The following KNSTRN variants were observed in gnomAD, a reference collection of about 807,000 sequenced individuals.
KNSTRN encodes the protein small kinetochore-associated protein.
Under a neutral mutation model 44.7 loss-of-function variants are expected in KNSTRN, and 38 were observed. The ratio of observed to expected loss-of-function variants is 0.85; its 90% CI spans 0.66 to 1.11. KNSTRN has a LOEUF of 1.11. Among genes scored for constraint, KNSTRN ranks in the 50% most tolerant of loss-of-function variants. KNSTRN has a pLI of 0.00. For synonymous variants in KNSTRN, 158 were observed against 148.1 expected (o/e 1.07, Z -0.48); for missense variants, 406 against 375.8 (o/e 1.08, Z -0.66).
intron 2 of KNSTRN, among the ~76,000 whole-genome samples, chr15:40,385,731 T>C (rs1474297079): frequency 1.3e-5 from 2 of 152,158 alleles, no homozygotes; most frequent in East Asian, 3.8e-4. Context: ...AATGAGATGG[T>C]ACAAGGATTC....
chr15:40,383,115 T>A, intron 1 of KNSTRN, 71 bp downstream of exon 1: 1 of 1,594,018 alleles, frequency 6.3e-7, no homozygotes, highest in Non-Finnish European at 8.6e-7. Context: ...AAAGGAGGAT[T>A]TTCTCTTTTC....
chr15:40,382,777 G>A lies in KNSTRN; in HGVS notation c.-59G>A. The A allele has an allele frequency of 1.3e-6, 2 of 1,485,136 alleles. No homozygotes were observed. 92.0% of individuals were successfully genotyped at this position (1,485,136 alleles called of 1,614,324 possible). On this transcript the variant is annotated 5_prime_UTR_variant, in exon 1 of 9. Transcript: ENST00000249776. ...ACCCTCCTCCTCTGCCCAGACCTGG[G>A]GGCTCCAACACCTTTCGCTAGGTCT...
In KNSTRN at chr15:40,383,163, C is replaced by T. The variant is rs1229851159; in HGVS notation, c.210-65C>T. 3.2e-6 allele frequency: 5 copies of T among 1,577,378 alleles called. No homozygotes were observed. The African/African-American group carries it at 5.4e-5, about 17-fold the overall frequency. On this transcript the variant is annotated intron_variant, in intron 1 of 8. Coordinates refer to ENST00000249776, the MANE Select transcript of KNSTRN (RefSeq NM_033286.4). ...GGGGCCTGTCGGGTCGCGCTATCCC[C>T]GGGCCCTCCACTCTCTCGGGCCCAG...
At chr15:40,390,004 C>A in intron 6 of KNSTRN, 75 bp downstream of exon 6, 1 of 1,182,300 alleles carries the variant, frequency 8.5e-7, no homozygotes, top group Non-Finnish European at 1.3e-6. Context: ...ATCTTGGCAG[C>A]ATGGCATCAG....
intron 4 of KNSTRN, among the ~76,000 whole-genome samples, chr15:40,387,762 C>G (rs1036975750): frequency 6.6e-6 from 1 of 152,208 alleles, no homozygotes; most frequent in Non-Finnish European, 1.5e-5. Context: ...AATCGCAACA[C>G]TTTGGGAGGC....
rs1158736738 is a variant in KNSTRN, at chr15:40,382,812, C to T, written c.-24C>T. The stretch of plus-strand genomic sequence containing the variant: ...ACCTTTCGCTAGGTCTGGCTCTGGC[C>T]TCTGAGCGAACCTTCCGTACAGTAT... On this transcript the variant is annotated 5_prime_UTR_variant, in exon 1 of 9. Coordinates refer to ENST00000249776, the MANE Select transcript of KNSTRN (RefSeq NM_033286.4). 6.2e-7 allele frequency: 1 copy of T among 1,603,394 alleles called. No homozygotes were observed. The highest frequency in any genetic ancestry group is 8.5e-7 in the Non-Finnish European group (1 of 1,175,380).
chr15:40,382,790 T>C lies in KNSTRN; in HGVS notation c.-46T>C, dbSNP rs1254314834. 2.4e-5 allele frequency: 37 copies of C among 1,561,316 alleles called. No individual in the cohort carries two copies. The highest frequency in any genetic ancestry group is 3.2e-5 in the Non-Finnish European group (37 of 1,147,396). ...GCCCAGACCTGGGGGCTCCAACACC[T>C]TTCGCTAGGTCTGGCTCTGGCCTCT... On this transcript the variant is annotated 5_prime_UTR_variant, in exon 1 of 9. Transcript: ENST00000249776.
Position 40,388,472 on chromosome 15 carries a change from G to A in KNSTRN, c.486-1034G>A, listed in dbSNP as rs576583747. ...TCCCAGGATTTTGGGAGGCCGAGGC[G>A]GGTGGATCTCAAGGTCAGGAGACCA... On this transcript the variant is annotated intron_variant, in intron 4 of 8. Transcript: ENST00000249776. Among the ~76,000 whole-genome samples the A allele has an allele frequency of 2.4e-3, 364 of 152,216 alleles. 4 individuals are homozygous for A. In the Middle Eastern group the frequency reaches 0.034, roughly 14 times the overall value.
rs2141277652 is a variant in KNSTRN, at chr15:40,393,843, G to C, written c.*246G>C. ...GATAATTGAGGCCTACAAGAGAGGG[G>C]AGCCTAGGAGCTTGGATTGACCTTC... On this transcript the variant is annotated 3_prime_UTR_variant, in exon 9 of 9. Transcript: ENST00000249776. The C allele has an allele frequency of 1.1e-5, 3 of 283,888 alleles. No homozygotes were observed. The East Asian group carries it at 2.4e-4, about 23-fold the overall frequency. 17.6% of individuals were successfully genotyped at this position (283,888 alleles called of 1,614,324 possible). A position where few individuals can be genotyped will look rare whatever the true frequency, so the allele number is the denominator to read the frequency against.
chr15:40,388,728 C>T (rs140597575), intron 4 of KNSTRN, among the ~76,000 whole-genome samples: 60 of 152,110 alleles, frequency 3.9e-4, no homozygotes, highest in East Asian at 1.7e-3. Flanking sequence ...AGTGGTTTTC[C>T]GCCCTTGGCA....
At chr15:40,391,620 G>T (rs1391522945) in intron 7 of KNSTRN, 66 bp downstream of exon 7, 2 of 1,317,228 alleles carry the variant, frequency 1.5e-6, no homozygotes, top group Non-Finnish European at 2.2e-6. Context: ...ATCTAAGAAG[G>T]TCTCTGCTAT....
At position 40,393,222 on chromosome 15, in the gene KNSTRN, C is replaced by T. The variant is rs373847514; in HGVS notation, c.823-247C>T. 184 of 1,613,858 alleles carry T rather than the reference C, an allele frequency of 1.1e-4. 1 individual carries two copies. In the African/African-American group the frequency reaches 2.2e-3, roughly 19 times the overall value. ...CTTGGATGAATCATGGGATATTGCA[C>T]CAAATGTAGAGGATTTCATCGTTCC... On this transcript the variant is annotated intron_variant, in intron 8 of 8. Coordinates refer to ENST00000249776, the MANE Select transcript of KNSTRN (RefSeq NM_033286.4).
chr15:40,387,292 C>A, intron 4 of KNSTRN, 86 bp downstream of exon 4: 1 of 1,128,400 alleles, frequency 8.9e-7, no homozygotes, highest in South Asian at 1.3e-5. Flanking sequence ...ATTTGTGGGA[C>A]TTGTTTACTG....
Position 40,382,890 on chromosome 15 carries a change from T to C in KNSTRN, c.55T>C (p.Ser19Pro), listed in dbSNP as rs1197392495. The change falls in exon 1 of 9, where the codon TCT becomes CCT. Residue 19 changes from serine to proline, a missense_variant. Transcript: ENST00000249776. ...CAGAGTTTTCCGTACAACATGGCTG[T>C]CTACAGAGTGCGATTCCCACCCACT... ...LDRVFRTTWL[S>P]TECDSHPLPP... The C allele has an allele frequency of 2.5e-6, 4 of 1,612,150 alleles. No homozygotes were observed. Among genetic ancestry groups the C allele is most frequent in the Middle Eastern group, 2.2e-4 (1 of 4,490 alleles).
At chr15:40,387,281 C>A (rs1163010788) in intron 4 of KNSTRN, 75 bp downstream of exon 4, 1 of 1,211,448 alleles carries the variant, frequency 8.3e-7, no homozygotes, top group Non-Finnish European at 1.2e-6. Flanking sequence ...GCATCAGAAT[C>A]ATTTGTGGGA....
Position 40,394,215 on chromosome 15 carries a change from T to G in KNSTRN, c.*618T>G, listed in dbSNP as rs1212548316. The G allele has an allele frequency of 6.6e-6, 1 of 152,218 alleles. No homozygotes were observed. 9.4% of individuals were successfully genotyped at this position (152,218 alleles called of 1,614,324 possible). On this transcript the variant is annotated 3_prime_UTR_variant, in exon 9 of 9. Coordinates refer to ENST00000249776, the MANE Select transcript of KNSTRN (RefSeq NM_033286.4). The stretch of plus-strand genomic sequence containing the variant: ...ATCTAAATTACTTTTCTTTTTTAAG[T>G]CTACTTTTAAAATAAATACTTCTGT...
At chr15:40,385,234 C>T (rs1348176312) in intron 2 of KNSTRN, among the ~76,000 whole-genome samples, 1 of 152,202 alleles carries the variant, frequency 6.6e-6, no homozygotes, top group African/African-American at 2.4e-5. Context: ...GGGTGCTTAA[C>T]TCCAGATAAG....
chr15:40,386,393 C>G lies in KNSTRN; in HGVS notation c.336C>G (p.Leu112=). The change falls in exon 3 of 9, where the codon CTC becomes CTG. Residue 112 remains leucine (L), a synonymous_variant. Transcript: ENST00000249776. ...DTQTRATSKS[L]LPVRSKEVDV... is the part of the protein sequence containing the mutation. ...AAACTCGGGCCACTTCTAAGAGTCT[C>G]TTACCTGTTAGGTCCAAAGAAGTCG... is the stretch of plus-strand genomic sequence containing the variant. The G allele has an allele frequency of 6.2e-7, 1 of 1,614,142 alleles. No homozygotes were observed. Among genetic ancestry groups the G allele is most frequent in the Non-Finnish European group, 8.5e-7 (1 of 1,180,010 alleles).
intron 3 of KNSTRN, 100 bp downstream of exon 3, chr15:40,386,594 A>G (rs1595738230): frequency 7.8e-7 from 1 of 1,287,010 alleles, no homozygotes; most frequent in Non-Finnish European, 1.1e-6. Flanking sequence ...AGTCTCCTGA[A>G]CAACTGGCCT....
Sources: allele counts gnomAD v4.1 joint callset (sites outside exome capture counted in the v4.1 genomes callset), GRCh38; gene constraint gnomAD v4.1.1; transcripts MANE v1.5; gene names NCBI Gene and HGNC (gene_info 2026-07-23, HGNC 2026-07-21).